Variants in MAMDC2 observed in about 807,000 individuals in gnomAD.
MAMDC2 encodes the protein MAM domain-containing protein 2.
MAMDC2 carries 57 observed loss-of-function variants against 89.8 expected under a neutral mutation model. The ratio of observed to expected loss-of-function variants is 0.63; its 90% CI spans 0.51 to 0.79. The LOEUF is 0.79. Among genes scored for constraint, MAMDC2 ranks in the 30% least tolerant of loss-of-function variants. The pLI is 0.00. For synonymous variants in MAMDC2, 313 were observed against 293.4 expected (o/e 1.07, Z -0.68); for missense variants, 800 against 820.6 (o/e 0.97, Z 0.31).
intron 11 of MAMDC2, among the ~76,000 whole-genome samples, chr9:70,207,718 C>T (rs965230620): frequency 6.6e-6 from 1 of 152,148 alleles, no homozygotes; most frequent in African/African-American, 2.4e-5. Context: ...TGCCTATGTC[C>T]TGAATGGTAT....
intron 11 of MAMDC2, among the ~76,000 whole-genome samples, chr9:70,199,707 C>T (rs1258028964): frequency 8.2e-6 from 1 of 122,006 alleles, no homozygotes. Flanking sequence ...TCCTCTCCAG[C>T]ACCTGTTGTT....
intron 3 of MAMDC2, among the ~76,000 whole-genome samples, 174 bp downstream of exon 3, chr9:70,108,656 T>C (rs1563957805): frequency 6.6e-6 from 1 of 152,250 alleles, no homozygotes; most frequent in Non-Finnish European, 1.5e-5. Flanking sequence ...ATTTTGTTTA[T>C]TCCTTAAAAG....
intron 9 of MAMDC2, among the ~76,000 whole-genome samples, chr9:70,151,671 G>A (rs547142333): frequency 1.3e-5 from 2 of 152,240 alleles, no homozygotes; most frequent in African/African-American, 2.4e-5. Context: ...CTGTTCTTGC[G>A]CACCTGGAGA....
Position 70,108,374 on chromosome 9 carries a change from GA to G in MAMDC2, c.313del (p.Arg105AspfsTer23), listed in dbSNP as rs745794154. 5 of 1,614,102 alleles carry G rather than the reference GA, an allele frequency of 3.1e-6. No homozygotes were observed. Among genetic ancestry groups the G allele is most frequent in the Admixed American group, 1.7e-5 (1 of 60,016 alleles). On this transcript the variant is annotated frameshift_variant, in exon 3 of 14. Transcript: ENST00000377182. LOFTEE classifies it high-confidence loss of function. The part of the protein sequence containing the change: ...SDPSQLNLYM[R>X]FEDESFDRLL... The stretch of plus-strand genomic sequence containing the variant: ...ATCCCAGCCAGCTGAACCTCTACAT[GA>G]GATTTGAAGATGAAAGCTTTGATCG...
intron 2 of MAMDC2, among the ~76,000 whole-genome samples, chr9:70,048,049 G>A (rs1456034293): frequency 1.4e-5 from 2 of 145,784 alleles, no homozygotes. Context: ...CCCAGGGAAT[G>A]CCAGGTGCAC....
At position 70,147,526 on chromosome 9, in the gene MAMDC2, C is replaced by T. The variant is rs556113989; in HGVS notation, c.1404+3707C>T. Among the ~76,000 whole-genome samples, 8 of 149,984 alleles carry T rather than the reference C, an allele frequency of 5.3e-5. No homozygotes were observed. In the East Asian group the frequency reaches 1.4e-3, roughly 26 times the overall value. ...ACATTTTTCTTGGTTCCCTTTACAA[C>T]TTTAGTACACTAAACCATTTATTTT... On this transcript the variant is annotated intron_variant, in intron 9 of 13. Coordinates refer to ENST00000377182, the MANE Select transcript of MAMDC2 (RefSeq NM_153267.5).
At chr9:70,094,883 G>A (rs539525530) in intron 2 of MAMDC2, among the ~76,000 whole-genome samples, 133 of 152,310 alleles carry the variant, frequency 8.7e-4, no homozygotes, top group African/African-American at 3.1e-3. Flanking sequence ...GATTAGCAAA[G>A]GCTGCCTGAA....
At chr9:70,058,219 C>G (rs1163270730) in intron 2 of MAMDC2, among the ~76,000 whole-genome samples, 1 of 151,988 alleles carries the variant, frequency 6.6e-6, no homozygotes, top group Admixed American at 6.6e-5. Context: ...TCTTATAATC[C>G]CCCTATGAAG....
At chr9:70,135,987 C>T (rs2030989644) in intron 7 of MAMDC2, among the ~76,000 whole-genome samples, 1 of 151,838 alleles carries the variant, frequency 6.6e-6, no homozygotes, top group Non-Finnish European at 1.5e-5. Context: ...CCTGTCTCTA[C>T]AAAAAATACA....
intron 11 of MAMDC2, among the ~76,000 whole-genome samples, chr9:70,173,473 C>G (rs1927134): frequency 0.86 from 130,010 of 151,800 alleles, 55,908 homozygotes; most frequent in East Asian, 0.96. Context: ...CCTAGAAAAT[C>G]GGATGGTGGA....
chr9:70,095,282 A>G (rs1404078954), intron 2 of MAMDC2, among the ~76,000 whole-genome samples: 1 of 152,226 alleles, frequency 6.6e-6, no homozygotes, highest in Non-Finnish European at 1.5e-5. Context: ...GCAGATTGGC[A>G]TAACAGAAAT....
At chr9:70,058,108 C>T (rs1827064835) in intron 2 of MAMDC2, among the ~76,000 whole-genome samples, 1 of 152,130 alleles carries the variant, frequency 6.6e-6, no homozygotes, top group Non-Finnish European at 1.5e-5. Flanking sequence ...CTTGAAGATT[C>T]AATAGGAATA....
chr9:70,206,298 T>G (rs1181302539), intron 11 of MAMDC2, among the ~76,000 whole-genome samples: 1 of 152,192 alleles, frequency 6.6e-6, no homozygotes, highest in Non-Finnish European at 1.5e-5. Context: ...TTATTGTGAG[T>G]TATTGTTGTT....
chr9:70,131,575 T>C lies in MAMDC2; in HGVS notation c.957T>C (p.Asp319=). 6.2e-7 allele frequency: 1 copy of C among 1,609,914 alleles called. No individual in the cohort carries two copies. Among genetic ancestry groups the C allele is most frequent in the South Asian group, 1.1e-5 (1 of 89,904 alleles). ...AGGGAGGTTATGTTGCCCTGGATGA[T>C]ATTTCATTCTCTCCTGTTCACTGCC... The part of the protein sequence containing the change: ...GPKGGYVALD[D]ISFSPVHCQN... The change falls in exon 7 of 14, where the codon GAT becomes GAC. Residue 319 remains aspartate (D), a synonymous_variant. Transcript: ENST00000377182.
intron 9 of MAMDC2, among the ~76,000 whole-genome samples, chr9:70,165,171 C>G (rs2032131865): frequency 6.6e-6 from 1 of 152,234 alleles, no homozygotes; most frequent in African/African-American, 2.4e-5. Flanking sequence ...TTGTTATGTT[C>G]TTAACTGGAC....
At chr9:70,162,745 A>G (rs897761197) in intron 9 of MAMDC2, among the ~76,000 whole-genome samples, 4 of 152,012 alleles carry the variant, frequency 2.6e-5, no homozygotes, top group African/African-American at 9.7e-5. Flanking sequence ...TTGGCCTCCC[A>G]AAGTGTTGGG....
chr9:70,051,029 T>C (rs181986232), intron 2 of MAMDC2, among the ~76,000 whole-genome samples: 1 of 152,348 alleles, frequency 6.6e-6, no homozygotes, highest in East Asian at 1.9e-4. Flanking sequence ...TCAGCATCAA[T>C]TGGCTCCATT....
At chr9:70,076,043 C>T (rs1234211885) in intron 2 of MAMDC2, among the ~76,000 whole-genome samples, 1 of 152,204 alleles carries the variant, frequency 6.6e-6, no homozygotes, top group East Asian at 1.9e-4. Context: ...CTCAGGGCTG[C>T]GATGGCAGGT....
At chr9:70,065,782 C>A (rs1279810475) in intron 2 of MAMDC2, among the ~76,000 whole-genome samples, 1 of 152,138 alleles carries the variant, frequency 6.6e-6, no homozygotes, top group Non-Finnish European at 1.5e-5. Context: ...ATTTTTGTAA[C>A]AATTACCAAA....
Sources: allele counts gnomAD v4.1 joint callset (sites outside exome capture counted in the v4.1 genomes callset), GRCh38; gene constraint gnomAD v4.1.1; transcripts MANE v1.5; gene names NCBI Gene and HGNC (gene_info 2026-07-23, HGNC 2026-07-21).